PTPRN2: variants seen among roughly 807,000 people sequenced by gnomAD.
PTPRN2 encodes receptor-type tyrosine-protein phosphatase N2.
PTPRN2 carries 74 observed loss-of-function variants against 118.8 expected under a neutral mutation model. The ratio of observed to expected loss-of-function variants is 0.62; its 90% CI spans 0.52 to 0.76. PTPRN2 has a LOEUF of 0.76. Ranked by LOEUF, PTPRN2 falls within the 30% of genes least tolerant of loss-of-function variation. PTPRN2 has a pLI of 0.00. For missense variants in PTPRN2, 1,481 were observed against 1,394.4 expected (o/e 1.06, Z -0.99); for synonymous variants, 641 against 608.0 (o/e 1.05, Z -0.80).
intron 12 of PTPRN2, among the ~76,000 whole-genome samples, chr7:157,689,982 C>T (rs1398869959): frequency 6.6e-6 from 1 of 152,200 alleles, no homozygotes; most frequent in Admixed American, 6.5e-5. Flanking sequence ...CCTGGCTGCT[C>T]GCCCCTTCCC....
intron 13 of PTPRN2, among the ~76,000 whole-genome samples, chr7:157,657,169 TAC>T (rs1304745329): frequency 7.8e-6 from 1 of 127,688 alleles, no homozygotes; most frequent in Non-Finnish European, 1.6e-5. Flanking sequence ...ACATCACATA[TAC>T]ACACACATAT....
chr7:157,677,095 C>T (rs901883991), intron 13 of PTPRN2, among the ~76,000 whole-genome samples: 1 of 152,106 alleles, frequency 6.6e-6, no homozygotes, highest in African/African-American at 2.4e-5. Flanking sequence ...GCAGCCCCCA[C>T]CTCCTTTCCT....
In PTPRN2 at chr7:158,338,331, CCG is replaced by C. The variant is rs1806089473; in HGVS notation, c.164-21401_164-21400del. ...ACACTGTCACCATAAGAGCTGACAC[CCG>C]CAGACGTCACTCACATCCACACTCT... is the stretch of plus-strand genomic sequence containing the variant. On this transcript the variant is annotated intron_variant, in intron 2 of 22. Coordinates refer to ENST00000389418, the MANE Select transcript of PTPRN2 (RefSeq NM_002847.5). 7.5e-5 allele frequency among the ~76,000 whole-genome samples: 3 copies of C among 40,064 alleles called. 1 individual carries two copies. The highest frequency in any genetic ancestry group is 3.6e-4 in the African/African-American group (3 of 8,442). The allele number at this position is 40,064 out of a possible 152,430, so 26.3% of individuals were successfully genotyped here.
In PTPRN2 at chr7:157,784,818, G is replaced by A. The variant is rs73744891; in HGVS notation, c.1789-101881C>T. ...GCTAATGGAAGGAAATGAACCCATC[G>A]TGTGGGGCGACATAGGGGCCCAGGG... On this transcript the variant is annotated intron_variant, in intron 12 of 22. Transcript: ENST00000389418. The surrounding 1 kb of genome is among the most constrained non-coding windows in gnomAD (Gnocchi z 4.6). Among the ~76,000 whole-genome samples, 28 of 152,282 alleles carry A rather than the reference G, an allele frequency of 1.8e-4. No homozygotes were observed. Among genetic ancestry groups the A allele is most frequent in the African/African-American group, 5.3e-4 (22 of 41,570 alleles).
intron 2 of PTPRN2, among the ~76,000 whole-genome samples, chr7:158,434,361 G>T (rs968045212): frequency 1.3e-5 from 2 of 152,188 alleles, no homozygotes; most frequent in East Asian, 3.9e-4. Context: ...AATTATATCA[G>T]GTGCATCAAA....
chr7:158,155,682 C>G (rs13247884), intron 6 of PTPRN2, among the ~76,000 whole-genome samples: 1 of 70,702 alleles, frequency 1.4e-5, no homozygotes, highest in East Asian at 4.3e-4. Context: ...GCCATCATCA[C>G]CATCACCATC....
At chr7:157,659,813 C>T (rs566910516) in intron 13 of PTPRN2, among the ~76,000 whole-genome samples, 3 of 152,200 alleles carry the variant, frequency 2.0e-5, no homozygotes, top group Non-Finnish European at 2.9e-5. Flanking sequence ...GGCACGATCT[C>T]GGCTCACTGC....
intron 10 of PTPRN2, among the ~76,000 whole-genome samples, chr7:158,097,616 C>T (rs1263333188): frequency 6.6e-6 from 1 of 152,184 alleles, no homozygotes; most frequent in Non-Finnish European, 1.5e-5. Flanking sequence ...TCCTTTTTCC[C>T]AGGAGCACTG....
intron 17 of PTPRN2, among the ~76,000 whole-genome samples, chr7:157,586,772 G>C (rs1288458511): frequency 6.6e-6 from 1 of 152,168 alleles, no homozygotes; most frequent in African/African-American, 2.4e-5. Context: ...TTGGACACTC[G>C]GTCTGTCCGG....
At chr7:158,075,576 G>A (rs938020758) in intron 11 of PTPRN2, among the ~76,000 whole-genome samples, 2 of 152,142 alleles carry the variant, frequency 1.3e-5, no homozygotes, top group Non-Finnish European at 2.9e-5. Context: ...CAGCACCACC[G>A]GCCCACGCTT....
intron 12 of PTPRN2, among the ~76,000 whole-genome samples, chr7:157,793,468 A>G (rs1804654603): frequency 6.8e-6 from 1 of 148,140 alleles, no homozygotes; most frequent in Middle Eastern, 3.5e-3. Flanking sequence ...AAATTGGGGG[A>G]GGAAAGGATC....
At chr7:158,371,463 T>A (rs1204540855) in intron 2 of PTPRN2, among the ~76,000 whole-genome samples, 1 of 152,144 alleles carries the variant, frequency 6.6e-6, no homozygotes, top group Non-Finnish European at 1.5e-5. Context: ...ATAAAATTCA[T>A]AAAAGAAAAC....
In PTPRN2 at chr7:157,671,933, C is replaced by A. The variant is rs146419304; in HGVS notation, c.2001+10792G>T. Among the ~76,000 whole-genome samples, 3 of 152,146 alleles carry A rather than the reference C, an allele frequency of 2.0e-5. No homozygotes were observed. Among genetic ancestry groups the A allele is most frequent in the Non-Finnish European group, 4.4e-5 (3 of 68,012 alleles). On this transcript the variant is annotated intron_variant, in intron 13 of 22. Transcript: ENST00000389418. This position sits in a 1 kb window ranked among gnomAD's most constrained non-coding sequence, Gnocchi z 4.1. ...TGTACGGGGAGTTTCTAAAAGTCTACGCTGTACCCCAAGAAGGGGACGGGT... is the reference window on the plus strand; with the variant it reads ...TGTACGGGGAGTTTCTAAAAGTCTAAGCTGTACCCCAAGAAGGGGACGGGT...
rs1563449306 is a variant in PTPRN2 at position 158,574,412 on chromosome 7, A to G, written c.112+13146T>C. ...ACAATGAGTTCAGTAGAGCACATAT[A>G]TAACTTGTAAATAAGAATATGTATC... On this transcript the variant is annotated intron_variant, in intron 1 of 22. Coordinates refer to ENST00000389418, the MANE Select transcript of PTPRN2 (RefSeq NM_002847.5). The surrounding 1 kb of genome is among the most constrained non-coding windows in gnomAD (Gnocchi z 4.6). Among the ~76,000 whole-genome samples, 2 of 152,232 alleles carry G rather than the reference A, an allele frequency of 1.3e-5. No homozygotes were observed. The highest frequency in any genetic ancestry group is 2.9e-5 in the Non-Finnish European group (2 of 68,052).
At chr7:158,430,445 G>T (rs1327975540) in intron 2 of PTPRN2, among the ~76,000 whole-genome samples, 1 of 152,230 alleles carries the variant, frequency 6.6e-6, no homozygotes, top group African/African-American at 2.4e-5. Flanking sequence ...ATGCTCTGGG[G>T]TTTGTGGACC....
chr7:157,846,492 G>A (rs907419338), intron 12 of PTPRN2, among the ~76,000 whole-genome samples: 2 of 151,664 alleles, frequency 1.3e-5, no homozygotes, highest in African/African-American at 2.4e-5. Flanking sequence ...CTGCTGTGGG[G>A]CGTCCCCACA....
chr7:158,403,993 G>A (rs577943821), intron 2 of PTPRN2, among the ~76,000 whole-genome samples: 11 of 152,206 alleles, frequency 7.2e-5, no homozygotes, highest in Non-Finnish European at 1.5e-4. Context: ...CCAAAGAAAA[G>A]GAAGTCCATT....
chr7:158,342,319 A>G (rs1206219325), intron 2 of PTPRN2, among the ~76,000 whole-genome samples: 1 of 134,920 alleles, frequency 7.4e-6, no homozygotes, highest in Non-Finnish European at 1.6e-5. Context: ...TCACACCCAC[A>G]CTCTCACCAT....
chr7:158,125,938 C>G (rs1462412332), intron 9 of PTPRN2, among the ~76,000 whole-genome samples: 1 of 152,182 alleles, frequency 6.6e-6, no homozygotes, highest in Non-Finnish European at 1.5e-5. Flanking sequence ...TCGCTGAACC[C>G]CTGAGGGGCT....
Sources: gnomAD v4.1 joint callset for allele counts (sites outside exome capture counted in the v4.1 genomes callset) on GRCh38, gnomAD v4.1.1 for gene constraint, Gnocchi (gnomAD v3.1) non-coding constraint, MANE v1.5 for transcripts, NCBI Gene and HGNC (gene_info 2026-07-23, HGNC 2026-07-21) for gene names.